The following SNTG2 variants were observed in gnomAD, a reference collection of about 807,000 sequenced individuals.
SNTG2 encodes the protein gamma-2-syntrophin.
Under a neutral mutation model 70.9 loss-of-function variants are expected in SNTG2, and 74 were observed. That is an observed-to-expected ratio of 1.04 (90% CI 0.86 to 1.27). The LOEUF (loss-of-function observed/expected upper bound fraction) is 1.27. SNTG2 is among the 50% of genes most tolerant of loss of function. The pLI, the probability that SNTG2 is intolerant of heterozygous loss-of-function variation, is 0.00. For missense variants in SNTG2, 717 were observed against 690.7 expected (o/e 1.04, Z -0.43); for synonymous variants, 278 against 273.8 (o/e 1.02, Z -0.15).
chr2:1,307,855 G>C (rs1047263149), intron 14 of SNTG2, among the ~76,000 whole-genome samples: 2 of 152,314 alleles, frequency 1.3e-5, no homozygotes, highest in East Asian at 1.9e-4. Context: ...AACCCAACCC[G>C]GGCTTCCCCT....
At chr2:1,105,272 T>A (rs1666040597) in intron 4 of SNTG2, among the ~76,000 whole-genome samples, 1 of 146,758 alleles carries the variant, frequency 6.8e-6, no homozygotes, top group Non-Finnish European at 1.5e-5. Flanking sequence ...AGCTGTGCCA[T>A]GCAGAGGGTC....
chr2:1,203,690 A>ATGTGTGTG (rs1553355281), intron 8 of SNTG2, among the ~76,000 whole-genome samples: 36 of 141,306 alleles, frequency 2.5e-4, no homozygotes, highest in African/African-American at 9.5e-4. Flanking sequence ...ATATATATAT[A>ATGTGTGTG]TGTGTGTGTG....
At chr2:1,086,228 G>C (rs1664675161) in intron 2 of SNTG2, among the ~76,000 whole-genome samples, 1 of 152,220 alleles carries the variant, frequency 6.6e-6, no homozygotes, top group Non-Finnish European at 1.5e-5. Flanking sequence ...TTCAATCACG[G>C]AAACTGGTGT....
intron 1 of SNTG2, among the ~76,000 whole-genome samples, chr2:1,072,986 A>G (rs1663677004): frequency 6.6e-6 from 1 of 152,216 alleles, no homozygotes; most frequent in South Asian, 2.1e-4. Flanking sequence ...GATGTGACTG[A>G]ATTGCTGCAA....
At chr2:1,088,810 T>A (rs1664839105) in intron 2 of SNTG2, among the ~76,000 whole-genome samples, 4 of 152,230 alleles carry the variant, frequency 2.6e-5, no homozygotes, top group Non-Finnish European at 5.9e-5. Context: ...ACTACACTTC[T>A]GTAAGGCATC....
intron 1 of SNTG2, among the ~76,000 whole-genome samples, chr2:1,080,654 G>C (rs1664230116): frequency 6.6e-6 from 1 of 151,598 alleles, no homozygotes; most frequent in Non-Finnish European, 1.5e-5. Flanking sequence ...GTTTGTGTCT[G>C]TGTGTGTGCA....
chr2:1,038,983 C>G (rs182709984), intron 1 of SNTG2, among the ~76,000 whole-genome samples: 25 of 152,276 alleles, frequency 1.6e-4, no homozygotes, highest in African/African-American at 6.0e-4. Context: ...GAAAAACATG[C>G]ATCTTGGCCA....
chr2:1,006,313 A>T (rs7425061), intron 1 of SNTG2, among the ~76,000 whole-genome samples: 13,626 of 143,916 alleles, frequency 0.095, 811 homozygotes, highest in South Asian at 0.23. Context: ...AGGTATAATT[A>T]AAAAAAAGAA....
At chr2:1,193,111 T>C (rs576182480) in intron 8 of SNTG2, among the ~76,000 whole-genome samples, 1 of 152,302 alleles carries the variant, frequency 6.6e-6, no homozygotes, top group Non-Finnish European at 1.5e-5. Context: ...CCCCATTACA[T>C]AGTCTGCAGC....
chr2:1,187,518 A>G (rs1027037720), intron 8 of SNTG2, among the ~76,000 whole-genome samples: 2 of 152,168 alleles, frequency 1.3e-5, no homozygotes, highest in African/African-American at 4.8e-5. Flanking sequence ...GGATTTCTCA[A>G]GCCTCCACAA....
At chr2:957,330 G>T (rs1468935919) in intron 1 of SNTG2, among the ~76,000 whole-genome samples, 1 of 152,080 alleles carries the variant, frequency 6.6e-6, no homozygotes, top group Non-Finnish European at 1.5e-5. Context: ...CTGCTTGAGG[G>T]GGAGCAACGG....
rs143137473 is a variant in SNTG2, at chr2:1,073,577, C to T, written c.73-9941C>T. 1.4e-3 allele frequency among the ~76,000 whole-genome samples: 207 copies of T among 152,296 alleles called. 2 individuals carry two copies. The highest frequency in any genetic ancestry group is 4.8e-3 in the African/African-American group (199 of 41,562). The stretch of plus-strand genomic sequence containing the variant: ...AAAAACTGTGTGACTTGCATTATCG[C>T]AATATCCACTTGATTAGGGTGGTCT... On this transcript the variant is annotated intron_variant, in intron 1 of 16. Coordinates refer to ENST00000308624, the MANE Select transcript of SNTG2 (RefSeq NM_018968.4).
intron 12 of SNTG2, among the ~76,000 whole-genome samples, chr2:1,255,863 AATATATATAAAT>A (rs1242525156): frequency 2.3e-3 from 25 of 10,728 alleles, no homozygotes; most frequent in Non-Finnish European, 4.3e-3. Context: ...AATATATATA[AATATATATAAAT>A]ATATATATAA....
Position 1,137,774 on chromosome 2 carries a change from G to A in SNTG2, c.376G>A (p.Gly126Ser). 2 of 1,613,600 alleles carry A rather than the reference G, an allele frequency of 1.2e-6. No individual in the cohort carries two copies. The highest frequency in any genetic ancestry group is 1.7e-6 in the Non-Finnish European group (2 of 1,179,752). Residue 126 changes from glycine (G) to serine (S), a missense_variant, in exon 6 of 17, where the codon GGC becomes AGC. By Grantham distance (56) the Gly-to-Ser change is moderately conservative. Coordinates refer to ENST00000308624, the MANE Select transcript of SNTG2 (RefSeq NM_018968.4). ...FVGDAVLQVNGIHVENATHEE... is the reference protein window; with the variant it reads ...FVGDAVLQVNSIHVENATHEE... ...TACTTTGTCATCTGTTCAGGTTAATGGCATACATGTAGAAAATGCAACTCA... is the reference window on the plus strand; with the variant it reads ...TACTTTGTCATCTGTTCAGGTTAATAGCATACATGTAGAAAATGCAACTCA...
intron 1 of SNTG2, among the ~76,000 whole-genome samples, chr2:985,216 AT>A (rs1401121346): frequency 2.0e-5 from 3 of 152,160 alleles, no homozygotes; most frequent in Non-Finnish European, 2.9e-5. Context: ...TTCCTGCTGA[AT>A]TTATATCGGG....
chr2:1,222,126 T>TCTCTGC (rs1675226461), intron 9 of SNTG2, among the ~76,000 whole-genome samples: 1 of 107,796 alleles, frequency 9.3e-6, no homozygotes, highest in Non-Finnish European at 1.8e-5. Context: ...TCTCTCTCTG[T>TCTCTGC]CTCTCTCTGT....
chr2:1,259,865 G>A (rs550286153), intron 13 of SNTG2, among the ~76,000 whole-genome samples: 5 of 152,348 alleles, frequency 3.3e-5, no homozygotes, highest in African/African-American at 1.2e-4. Context: ...GGGTAGGTAA[G>A]GACTGAGCCT....
At chr2:1,317,713 G>A (rs1436995764) in intron 16 of SNTG2, among the ~76,000 whole-genome samples, 1 of 127,334 alleles carries the variant, frequency 7.9e-6, no homozygotes, top group East Asian at 2.3e-4. Context: ...TTTAGTATCA[G>A]GCCAGCATTG....
intron 14 of SNTG2, among the ~76,000 whole-genome samples, chr2:1,275,650 T>C (rs1558623603): frequency 1.3e-5 from 2 of 148,594 alleles, no homozygotes; most frequent in African/African-American, 5.0e-5. Flanking sequence ...CATAACAGTA[T>C]TGATATTAGG....
Sources: allele counts gnomAD v4.1 joint callset (sites outside exome capture counted in the v4.1 genomes callset), GRCh38; gene constraint gnomAD v4.1.1; transcripts MANE v1.5; gene names NCBI Gene and HGNC (gene_info 2026-07-23, HGNC 2026-07-21).